Variants in ALDH1A2 observed in about 807,000 individuals in gnomAD.
ALDH1A2 encodes the protein aldehyde dehydrogenase 1 family member A2.
Under a neutral mutation model 60.3 loss-of-function variants are expected in ALDH1A2, and 27 were observed. The ratio of observed to expected loss-of-function variants is 0.45; its 90% confidence interval spans 0.33 to 0.62. The LOEUF (loss-of-function observed/expected upper bound fraction) is 0.62. Among genes scored for constraint, ALDH1A2 ranks in the 20% least tolerant of loss-of-function variants. The pLI, the probability that ALDH1A2 is intolerant of heterozygous loss-of-function variation, is 0.02. For missense variants in ALDH1A2, 581 were observed against 643.8 expected (o/e 0.90, Z 1.06); for synonymous variants, 289 against 232.4 (o/e 1.24, Z -2.21).
intron 1 of ALDH1A2, among the ~76,000 whole-genome samples, chr15:58,050,705 G>C (rs894412557): frequency 6.6e-6 from 1 of 152,104 alleles, no homozygotes; most frequent in Non-Finnish European, 1.5e-5. Flanking sequence ...CAAATCAAGT[G>C]AATTTGATAC....
intron 1 of ALDH1A2, among the ~76,000 whole-genome samples, chr15:58,029,773 A>C (rs1896181520): frequency 6.6e-6 from 1 of 152,226 alleles, no homozygotes; most frequent in Non-Finnish European, 1.5e-5. Context: ...TATGCAAATA[A>C]ACTAGAAAAT....
intron 1 of ALDH1A2, among the ~76,000 whole-genome samples, chr15:58,049,832 CCT>C (rs780770822): frequency 9.9e-5 from 15 of 152,046 alleles, no homozygotes; most frequent in South Asian, 2.1e-4. Context: ...TATGTACCCC[CCT>C]GTCTTGAAAA....
At chr15:58,000,951 T>C (rs1450999431) in intron 4 of ALDH1A2, among the ~76,000 whole-genome samples, 1 of 149,800 alleles carries the variant, frequency 6.7e-6, no homozygotes, top group African/African-American at 2.5e-5. Context: ...ATTTTTTGTC[T>C]CTCTAATAAC....
At chr15:58,039,632 C>A (rs1045590963) in intron 1 of ALDH1A2, among the ~76,000 whole-genome samples, 1 of 151,754 alleles carries the variant, frequency 6.6e-6, no homozygotes, top group Admixed American at 6.6e-5. Flanking sequence ...CCAGAAGTTG[C>A]TGAGGCCATT....
chr15:58,003,077 C>T (rs552411513), intron 4 of ALDH1A2, among the ~76,000 whole-genome samples: 3 of 151,924 alleles, frequency 2.0e-5, no homozygotes, highest in Non-Finnish European at 4.4e-5. Context: ...TAGCTTAGCT[C>T]TACGACTATT....
chr15:57,961,644 C>T (rs4646632), intron 10 of ALDH1A2, among the ~76,000 whole-genome samples: 9,210 of 152,218 alleles, frequency 0.061, 310 homozygotes, highest in East Asian at 0.12. Context: ...CTCCTTGTCC[C>T]TCTCTTGCAC....
At chr15:57,995,217 CAAA>C (rs34068380) in intron 4 of ALDH1A2, 78 bp from the exon 5 acceptor site, 3,252 of 281,788 alleles carry the variant, frequency 0.012, no homozygotes, top group Middle Eastern at 0.019. Flanking sequence ...TTGGTGGCTG[CAAA>C]AAAAAAAAAA....
At chr15:57,984,913 G>A (rs1209258619) in intron 7 of ALDH1A2, among the ~76,000 whole-genome samples, 10 of 152,160 alleles carry the variant, frequency 6.6e-5, no homozygotes, top group African/African-American at 2.4e-4. Context: ...TTACTATGGA[G>A]TATTACATTG....
intron 7 of ALDH1A2, among the ~76,000 whole-genome samples, chr15:57,974,953 C>T (rs1455748388): frequency 1.3e-5 from 2 of 152,158 alleles, no homozygotes; most frequent in African/African-American, 4.8e-5. Flanking sequence ...TATGCTGTGG[C>T]AAATACACAA....
At chr15:57,973,002 G>C (rs1894121825) in intron 7 of ALDH1A2, among the ~76,000 whole-genome samples, 1 of 152,128 alleles carries the variant, frequency 6.6e-6, no homozygotes, top group Non-Finnish European at 1.5e-5. Context: ...GGAAATAAAA[G>C]AACCCCAGCT....
intron 4 of ALDH1A2, 42 bp downstream of exon 4, chr15:58,010,607 G>C: frequency 1.2e-6 from 2 of 1,609,012 alleles, no homozygotes; most frequent in East Asian, 2.2e-5. Context: ...CATTTCTGGT[G>C]GTTTCACGTT....
chr15:57,993,250 G>A (rs1208809960), intron 5 of ALDH1A2, among the ~76,000 whole-genome samples, 177 bp from the exon 6 acceptor site: 2 of 152,112 alleles, frequency 1.3e-5, no homozygotes, highest in Non-Finnish European at 2.9e-5. Flanking sequence ...ACTGACCTTG[G>A]AAATCTCTCC....
chr15:57,990,525 C>T (rs1390331994), intron 7 of ALDH1A2: 1 of 152,176 alleles, frequency 6.6e-6, no homozygotes, highest in Non-Finnish European at 1.5e-5. Flanking sequence ...TAGGTACTAA[C>T]ATGACAAGGT....
chr15:58,033,221 T>A (rs577511740), intron 1 of ALDH1A2, among the ~76,000 whole-genome samples: 1 of 152,166 alleles, frequency 6.6e-6, no homozygotes, highest in South Asian at 2.1e-4. Flanking sequence ...TTTACCCCCA[T>A]AAATATGTGC....
At chr15:58,036,570 G>A (rs1896383093) in intron 1 of ALDH1A2, 2 of 151,502 alleles carry the variant, frequency 1.3e-5, no homozygotes, top group Admixed American at 1.3e-4. Flanking sequence ...GCACCAGTTG[G>A]AACTAAGAAG....
chr15:57,996,322 A>C (rs1482786167), intron 4 of ALDH1A2, among the ~76,000 whole-genome samples: 2 of 145,032 alleles, frequency 1.4e-5, no homozygotes, highest in Admixed American at 6.9e-5. Context: ...TCTCTCTCTT[A>C]CTCTCCCAGT....
chr15:57,992,608 T>C (rs1894932033), intron 7 of ALDH1A2, 97 bp downstream of exon 7: 1 of 1,121,236 alleles, frequency 8.9e-7, no homozygotes, highest in African/African-American at 1.5e-5. Flanking sequence ...CACTGCCCTT[T>C]TGGTGTCTAG....
chr15:58,001,619 T>C (rs1310259468), intron 4 of ALDH1A2, among the ~76,000 whole-genome samples: 1 of 151,874 alleles, frequency 6.6e-6, no homozygotes, highest in African/African-American at 2.4e-5. Flanking sequence ...TAGAAAAAAT[T>C]AAAGCCAATT....
intron 1 of ALDH1A2, among the ~76,000 whole-genome samples, chr15:58,041,168 T>C (rs1260432386): frequency 6.6e-6 from 1 of 151,942 alleles, no homozygotes; most frequent in African/African-American, 2.4e-5. Flanking sequence ...TCCAGTCTCA[T>C]CTCTGGACAC....
Sources: gnomAD v4.1 joint callset for allele counts (sites outside exome capture counted in the v4.1 genomes callset) on GRCh38, gnomAD v4.1.1 for gene constraint, MANE v1.5 for transcripts, NCBI Gene and HGNC (gene_info 2026-07-23, HGNC 2026-07-21) for gene names.